Variants in PDE6A observed in about 807,000 individuals in gnomAD.
PDE6A encodes the protein phosphodiesterase 6A.
PDE6A carries 84 observed loss-of-function variants against 106.3 expected under a neutral mutation model. The observed-to-expected ratio is 0.79, with a 90% CI of 0.66 to 0.95. PDE6A has a LOEUF of 0.95. Ranked by LOEUF, PDE6A falls within the 40% of genes least tolerant of loss-of-function variation. The pLI is 0.00. For synonymous variants in PDE6A, 394 were observed against 386.6 expected, an observed-to-expected ratio of 1.02 and a Z score of -0.23; for missense variants, 1,052 against 1,084.9, an observed-to-expected ratio of 0.97 and a Z score of 0.43.
At chr5:149,883,604 T>C (rs1314676414) in intron 16 of PDE6A, 68 bp from the exon 17 acceptor site, 50 of 1,044,978 alleles carry the variant, frequency 4.8e-5, no homozygotes, top group Non-Finnish European at 7.1e-5. Context: ...GCTGCTAACA[T>C]TGGCTGATTC....
chr5:149,919,543 A>C (rs1753644601), intron 5 of PDE6A, among the ~76,000 whole-genome samples: 1 of 152,212 alleles, frequency 6.6e-6, no homozygotes, highest in African/African-American at 2.4e-5. Flanking sequence ...GGAATCCCAC[A>C]GGAGAAAAAC....
At chr5:149,875,819 C>A (rs1760718765) in intron 17 of PDE6A, among the ~76,000 whole-genome samples, 1 of 152,176 alleles carries the variant, frequency 6.6e-6, no homozygotes. Context: ...TTTGTTACAT[C>A]ATTCTTTACC....
rs571598683 is a variant in PDE6A at position 149,904,956 on chromosome 5, T to A, written c.1066-1261A>T. On this transcript the variant is annotated intron_variant, in intron 7 of 21. Coordinates refer to ENST00000255266, the MANE Select transcript of PDE6A (RefSeq NM_000440.3). Reference sequence around the variant, plus strand: ...TACCTTCTCGTTACCCATCCACTACTCAGCAAACCACATGCTGGTTCTGCT... The same window carrying A: ...TACCTTCTCGTTACCCATCCACTACACAGCAAACCACATGCTGGTTCTGCT... Among the ~76,000 whole-genome samples the A allele has an allele frequency of 2.6e-5, 4 of 152,286 alleles. No homozygotes were observed. In the East Asian group the frequency reaches 5.8e-4, roughly 22 times the overall value.
At chr5:149,867,980 G>T in intron 18 of PDE6A, 115 bp downstream of exon 18, 1 of 1,150,862 alleles carries the variant, frequency 8.7e-7, no homozygotes, top group Non-Finnish European at 1.3e-6. Flanking sequence ...CTTGGTAGAG[G>T]AGGATGGGAC....
At chr5:149,895,412 T>G in intron 12 of PDE6A, 122 bp from the exon 13 acceptor site, 2 of 734,676 alleles carry the variant, frequency 2.7e-6, no homozygotes, top group East Asian at 5.3e-5. Flanking sequence ...TGAGGTACTC[T>G]AACCCCATCA....
intron 5 of PDE6A, among the ~76,000 whole-genome samples, chr5:149,915,798 GCTGCTTACGCTAC>G (rs1264331385): frequency 6.6e-6 from 1 of 152,176 alleles, no homozygotes; most frequent in African/African-American, 2.4e-5. Flanking sequence ...TGCATGCCTG[GCTGCTTACGCTAC>G]CTGCTGTGAC....
intron 8 of PDE6A, among the ~76,000 whole-genome samples, chr5:149,900,070 G>A (rs750530990): frequency 4.6e-5 from 7 of 151,860 alleles, no homozygotes; most frequent in Non-Finnish European, 1.0e-4. Flanking sequence ...TGCCTTTGGT[G>A]AGGCTAGGCA....
chr5:149,944,105 C>T (rs1754399670), intron 1 of PDE6A, 95 bp downstream of exon 1: 1 of 865,916 alleles, frequency 1.2e-6, no homozygotes, highest in South Asian at 1.3e-5. Context: ...TTGTCACCAG[C>T]CTTGTCTTGG....
chr5:149,940,352 A>G (rs995336167), intron 1 of PDE6A, among the ~76,000 whole-genome samples: 1 of 152,166 alleles, frequency 6.6e-6, no homozygotes, highest in African/African-American at 2.4e-5. Context: ...AAGTCTCCTG[A>G]GTGGAGAACC....
At chr5:149,935,116 C>T (rs555277330) in intron 1 of PDE6A, among the ~76,000 whole-genome samples, 20 of 152,140 alleles carry the variant, frequency 1.3e-4, no homozygotes, top group African/African-American at 4.3e-4. Flanking sequence ...TAGCAGGCAG[C>T]GTGCATGGCA....
At chr5:149,937,417 A>G (rs765750642) in intron 1 of PDE6A, among the ~76,000 whole-genome samples, 2 of 152,186 alleles carry the variant, frequency 1.3e-5, no homozygotes, top group Admixed American at 1.3e-4. Flanking sequence ...TTGCTCTGCC[A>G]TCCAGGCTGG....
At chr5:149,925,706 CAA>C (rs36003503) in intron 4 of PDE6A, among the ~76,000 whole-genome samples, 151 of 102,160 alleles carry the variant, frequency 1.5e-3, no homozygotes, top group Middle Eastern at 5.6e-3. Context: ...GACTCTGTCT[CAA>C]AAAAAAAAAA....
Position 149,912,931 on chromosome 5 carries a change from C to G in PDE6A, c.998+2012G>C, listed in dbSNP as rs79305159. 7.7e-3 allele frequency among the ~76,000 whole-genome samples: 1,177 copies of G among 151,896 alleles called. 17 individuals are homozygous for G. Among genetic ancestry groups the G allele is most frequent in the African/African-American group, 0.027 (1,111 of 41,388 alleles). On this transcript the variant is annotated intron_variant, in intron 6 of 21. Coordinates refer to ENST00000255266, the MANE Select transcript of PDE6A (RefSeq NM_000440.3). ...GGATGTGATGCTGGTCAAGCAGAGACAAACAGAAAATTGCGACCTGTGACC... is the reference window on the plus strand; with the variant it reads ...GGATGTGATGCTGGTCAAGCAGAGAGAAACAGAAAATTGCGACCTGTGACC...
intron 13 of PDE6A, 81 bp from the exon 14 acceptor site, chr5:149,886,455 G>T: frequency 9.7e-7 from 1 of 1,034,168 alleles, no homozygotes; most frequent in Non-Finnish European, 1.5e-6. Flanking sequence ...GTAAGGAGGA[G>T]GGCCCAGAAC....
intron 4 of PDE6A, among the ~76,000 whole-genome samples, chr5:149,925,054 C>T (rs13436645): frequency 0.094 from 14,295 of 152,168 alleles, 1,954 homozygotes; most frequent in African/African-American, 0.3. Flanking sequence ...GATTGAGGTT[C>T]TCTGCCTTTA....
chr5:149,881,355 T>A (rs1760915407), intron 17 of PDE6A, among the ~76,000 whole-genome samples: 2 of 152,148 alleles, frequency 1.3e-5, no homozygotes, highest in African/African-American at 4.8e-5. Flanking sequence ...TAGGTGCTCA[T>A]CAACGGTGGA....
chr5:149,906,252 A>G (rs1176699117), intron 7 of PDE6A, among the ~76,000 whole-genome samples: 2 of 151,612 alleles, frequency 1.3e-5, no homozygotes, highest in Non-Finnish European at 2.9e-5. Flanking sequence ...GAGGATGAGC[A>G]TGGTGGTTCA....
intron 12 of PDE6A, 132 bp from the exon 13 acceptor site, chr5:149,895,422 A>G (rs1382059259): frequency 1.1e-5 from 8 of 715,288 alleles, no homozygotes; most frequent in Non-Finnish European, 2.1e-5. Flanking sequence ...TAACCCCATC[A>G]TTGGACCAGG....
chr5:149,864,755 G>A (rs1181734663), intron 20 of PDE6A, among the ~76,000 whole-genome samples: 2 of 152,184 alleles, frequency 1.3e-5, no homozygotes, highest in Non-Finnish European at 2.9e-5. Flanking sequence ...AGAGCCGACT[G>A]TGTTCAGAGA....
Sources: allele counts gnomAD v4.1 joint callset (sites outside exome capture counted in the v4.1 genomes callset), GRCh38; gene constraint gnomAD v4.1.1; transcripts MANE v1.5; gene names NCBI Gene and HGNC (gene_info 2026-07-23, HGNC 2026-07-21).